The following EML4 variants were observed in gnomAD, a reference collection of about 807,000 sequenced individuals.
EML4 encodes EMAP like 4, also known as echinoderm microtubule-associated protein-like 4.
EML4 carries 72 observed loss-of-function variants against 129.0 expected under a neutral mutation model. That is an observed-to-expected ratio of 0.56 (90% CI 0.46 to 0.68). The LOEUF (loss-of-function observed/expected upper bound fraction) is 0.68, where lower values mean the gene tolerates loss of function less well. EML4 is among the 30% of genes least tolerant of loss of function. EML4 has a pLI of 0.00. For missense variants in EML4, 1,363 were observed against 1,190.6 expected, an observed-to-expected ratio of 1.14 and a Z score of -2.13; for synonymous variants, 532 against 405.0, an observed-to-expected ratio of 1.31 and a Z score of -3.77.
intron 2 of EML4, among the ~76,000 whole-genome samples, chr2:42,248,923 T>C (rs910281903): frequency 6.6e-6 from 1 of 152,176 alleles, no homozygotes; most frequent in Non-Finnish European, 1.5e-5. Context: ...TCCAACTAAT[T>C]ATGTTTCCAA....
chr2:42,232,667 T>C (rs10174872), intron 1 of EML4, among the ~76,000 whole-genome samples: 2 of 152,196 alleles, frequency 1.3e-5, no homozygotes, highest in African/African-American at 4.8e-5. Context: ...TGAGTCTTAC[T>C]TGTAGAAACA....
chr2:42,305,032 T>C (rs1053510410), intron 17 of EML4, among the ~76,000 whole-genome samples: 5 of 152,104 alleles, frequency 3.3e-5, no homozygotes, highest in Admixed American at 2.0e-4. Flanking sequence ...GGCAGGAGAA[T>C]CAGTTGAACC....
intron 2 of EML4, among the ~76,000 whole-genome samples, chr2:42,255,632 T>C (rs1558544983): frequency 6.6e-6 from 1 of 152,228 alleles, no homozygotes; most frequent in South Asian, 2.1e-4. Context: ...AGGATTAATG[T>C]AACTTATATG....
rs565138311 is a variant in EML4 at position 42,318,090 on chromosome 2, C to G, written c.2154+566C>G. ...TACTGAATGTACAGCAGGTATTCCC[C>G]TAGCAAACAAAATGGCTTAGGCACC... On this transcript the variant is annotated intron_variant, in intron 19 of 22. Coordinates refer to ENST00000318522, the MANE Select transcript of EML4 (RefSeq NM_019063.5). 2.2e-3 allele frequency among the ~76,000 whole-genome samples: 333 copies of G among 152,282 alleles called. 2 individuals carry two copies. Among genetic ancestry groups the G allele is most frequent in the African/African-American group, 7.7e-3 (319 of 41,562 alleles).
intron 21 of EML4, among the ~76,000 whole-genome samples, chr2:42,327,039 C>A (rs973345268): frequency 6.6e-6 from 1 of 152,190 alleles, no homozygotes; most frequent in Non-Finnish European, 1.5e-5. Flanking sequence ...CCCCAGCAAC[C>A]ACTAATCTGT....
intron 17 of EML4, among the ~76,000 whole-genome samples, chr2:42,308,213 G>A (rs942272608): frequency 6.6e-6 from 1 of 152,124 alleles, no homozygotes; most frequent in African/African-American, 2.4e-5. Flanking sequence ...TCCTTAACAC[G>A]TTAATGCTGC....
intron 1 of EML4, among the ~76,000 whole-genome samples, chr2:42,175,379 C>T (rs749157825): frequency 5.3e-5 from 8 of 152,206 alleles, no homozygotes; most frequent in Non-Finnish European, 8.8e-5. Flanking sequence ...TTCCAAAGTG[C>T]TGGCATTACA....
At chr2:42,279,933 A>G (rs763956108) in intron 6 of EML4, among the ~76,000 whole-genome samples, 17 of 152,142 alleles carry the variant, frequency 1.1e-4, no homozygotes, top group Non-Finnish European at 1.2e-4. Context: ...AGAGACTACA[A>G]AAGAAAAGAT....
Position 42,283,329 on chromosome 2 carries a change from A to T in EML4, c.941+357A>T, listed in dbSNP as rs571405040. Among the ~76,000 whole-genome samples the T allele has an allele frequency of 2.0e-5, 3 of 152,292 alleles. 1 individual carries two copies. The South Asian group carries it at 6.2e-4, about 32-fold the overall frequency. The stretch of plus-strand genomic sequence containing the variant: ...ATTGGTTACTCGATATTTATTGAGG[A>T]TTTGTCCTATGTAGATAAATTTTAT... On this transcript the variant is annotated intron_variant, in intron 8 of 22. Coordinates refer to ENST00000318522, the MANE Select transcript of EML4 (RefSeq NM_019063.5).
chr2:42,284,113 C>G (rs1311636034), intron 8 of EML4, among the ~76,000 whole-genome samples: 1 of 152,136 alleles, frequency 6.6e-6, no homozygotes, highest in East Asian at 1.9e-4. Context: ...GAATTTAGCG[C>G]TAAGAACTAA....
chr2:42,187,259 G>C (rs1158689220), intron 1 of EML4, among the ~76,000 whole-genome samples: 5 of 151,882 alleles, frequency 3.3e-5, no homozygotes, highest in African/African-American at 7.2e-5. Context: ...ATGTTGCCCA[G>C]GCTGGTCTTG....
chr2:42,275,930 A>T (rs975024361), intron 6 of EML4, among the ~76,000 whole-genome samples: 2 of 152,146 alleles, frequency 1.3e-5, no homozygotes, highest in Non-Finnish European at 2.9e-5. Context: ...GATCAGTCCC[A>T]TCGCCCATCC....
At chr2:42,318,177 A>G (rs1460085653) in intron 19 of EML4, among the ~76,000 whole-genome samples, 7 of 152,226 alleles carry the variant, frequency 4.6e-5, no homozygotes, top group Non-Finnish European at 7.3e-5. Flanking sequence ...CAGGCCAGGA[A>G]GAGAAAGGTA....
At chr2:42,309,759 G>GT (rs57142730) in intron 17 of EML4, among the ~76,000 whole-genome samples, 22,888 of 152,076 alleles carry the variant, frequency 0.15, 2,008 homozygotes, top group South Asian at 0.29. Flanking sequence ...TCTTGTAAGA[G>GT]TTTTTTATAT....
At chr2:42,232,394 A>C (rs1674403740) in intron 1 of EML4, among the ~76,000 whole-genome samples, 1 of 152,220 alleles carries the variant, frequency 6.6e-6, no homozygotes, top group South Asian at 2.1e-4. Context: ...ATTTGGGTCC[A>C]TTTATTGTAA....
chr2:42,326,889 A>C (rs1354066732), intron 21 of EML4, among the ~76,000 whole-genome samples: 2 of 152,146 alleles, frequency 1.3e-5, no homozygotes, highest in Non-Finnish European at 2.9e-5. Flanking sequence ...CTCATAAATA[A>C]ATAAAGTGTA....
chr2:42,252,193 C>A (rs1045104220), intron 2 of EML4, among the ~76,000 whole-genome samples: 1 of 152,144 alleles, frequency 6.6e-6, no homozygotes, highest in South Asian at 2.1e-4. Context: ...ACATACAGTA[C>A]ACTGAAATTT....
intron 1 of EML4, among the ~76,000 whole-genome samples, chr2:42,214,039 A>G (rs1374914782): frequency 6.6e-6 from 1 of 152,188 alleles, no homozygotes. Context: ...TGGGTAACAC[A>G]TATGTTTTGT....
At chr2:42,300,310 C>T (rs1437264255) in intron 13 of EML4, among the ~76,000 whole-genome samples, 1 of 152,186 alleles carries the variant, frequency 6.6e-6, no homozygotes, top group African/African-American at 2.4e-5. Context: ...AGCTAAAGAG[C>T]TTCTCTGAGT....
Sources: gnomAD v4.1 joint callset for allele counts (sites outside exome capture counted in the v4.1 genomes callset) on GRCh38, gnomAD v4.1.1 for gene constraint, MANE v1.5 for transcripts, NCBI Gene and HGNC (gene_info 2026-07-23, HGNC 2026-07-21) for gene names.